The following NOSTRIN variants were observed in gnomAD, a reference collection of about 807,000 sequenced individuals.
NOSTRIN encodes nitric oxide synthase trafficking, also known as BM247 homolog.
In NOSTRIN, 63 loss-of-function variants were observed where a neutral mutation model predicts 59.0. The ratio of observed to expected loss-of-function variants is 1.07; its 90% CI spans 0.87 to 1.32. The LOEUF (loss-of-function observed/expected upper bound fraction) is 1.32, where lower values mean the gene tolerates loss of function less well. NOSTRIN is among the 40% of genes most tolerant of loss of function. NOSTRIN has a pLI of 0.00. For synonymous variants in NOSTRIN, 200 were observed against 165.4 expected (o/e 1.21, Z -1.61); for missense variants, 512 against 473.1 (o/e 1.08, Z -0.76).
chr2:168,860,533 T>C (rs2105790532), intron 13 of NOSTRIN, among the ~76,000 whole-genome samples: 1 of 152,166 alleles, frequency 6.6e-6, no homozygotes, highest in African/African-American at 2.4e-5. Flanking sequence ...TAGCCAGGCA[T>C]GGTGGTGGGC....
chr2:168,830,031 A>G (rs975830182), intron 5 of NOSTRIN, among the ~76,000 whole-genome samples: 1 of 152,234 alleles, frequency 6.6e-6, no homozygotes, highest in Non-Finnish European at 1.5e-5. Context: ...ACCAGAATGG[A>G]TGCTCTATTC....
chr2:168,820,258 G>A lies in NOSTRIN; in HGVS notation c.114-4376G>A, dbSNP rs185723968. ...CCTATGTGCCCTCAGGCTAGTGACT[G>A]ACCCAACTCTCTGTGCCTTGGTGTT... is the stretch of plus-strand genomic sequence containing the variant. On this transcript the variant is annotated intron_variant, in intron 2 of 15. Coordinates refer to ENST00000317647, the MANE Select transcript of NOSTRIN (RefSeq NM_001039724.4). Among the ~76,000 whole-genome samples, 939 of 152,290 alleles carry A rather than the reference G, an allele frequency of 6.2e-3. 13 individuals carry two copies. The highest frequency in any genetic ancestry group is 0.021 in the African/African-American group (884 of 41,568).
chr2:168,864,809 C>G (rs376851617), intron 15 of NOSTRIN, 25 bp from the exon 16 acceptor site: 1 of 1,612,864 alleles, frequency 6.2e-7, no homozygotes, highest in African/African-American at 1.3e-5. Flanking sequence ...CACAGAGACC[C>G]ATTTGTCTAA....
At chr2:168,828,267 A>G (rs1687162237) in intron 4 of NOSTRIN, 47 bp downstream of exon 4, 3 of 872,642 alleles carry the variant, frequency 3.4e-6, no homozygotes, top group Non-Finnish European at 6.0e-6. Flanking sequence ...AGGGAATCAA[A>G]TATTTAAAGT....
At position 168,859,630 on chromosome 2, in the gene NOSTRIN, G is replaced by A. The variant is rs1689320969; in HGVS notation, c.1172G>A (p.Arg391Lys). 1 of 1,613,860 alleles carries A rather than the reference G, an allele frequency of 6.2e-7. No individual in the cohort carries two copies. The highest frequency in any genetic ancestry group is 1.7e-5 in the Admixed American group (1 of 59,972). The change falls in exon 13 of 16, where the codon AGG becomes AAG. Residue 391 changes from arginine to lysine, a missense_variant. Coordinates refer to ENST00000317647, the MANE Select transcript of NOSTRIN (RefSeq NM_001039724.4). Reference protein sequence around the residue: ...HPCSNSIFRWREKEHTHSYVK... With the variant: ...HPCSNSIFRWKEKEHTHSYVK... ...TGTAGTAATTCCATCTTCAGGTGGA[G>A]GGAAAAGGTAACATTTAAGGAGACT...
At chr2:168,864,800 A>T in intron 15 of NOSTRIN, 34 bp from the exon 16 acceptor site, 1 of 1,612,562 alleles carries the variant, frequency 6.2e-7, no homozygotes, top group Non-Finnish European at 8.5e-7. Context: ...TGTTCACATC[A>T]CAGAGACCCA....
At chr2:168,862,468 G>A (rs1046796000) in intron 15 of NOSTRIN, among the ~76,000 whole-genome samples, 1 of 152,232 alleles carries the variant, frequency 6.6e-6, no homozygotes, top group Non-Finnish European at 1.5e-5. Context: ...AAAGTGATTA[G>A]AGATGTACCC....
intron 14 of NOSTRIN, 27 bp from the exon 15 acceptor site, chr2:168,861,933 T>A: frequency 6.2e-7 from 1 of 1,606,218 alleles, no homozygotes; most frequent in African/African-American, 1.3e-5. Flanking sequence ...TAACACAGCA[T>A]ACTAATTACA....
chr2:168,797,105 G>A (rs1685505029), upstream of NOSTRIN, among the ~76,000 whole-genome samples: 1 of 37,804 alleles, frequency 2.6e-5, no homozygotes, highest in African/African-American at 7.3e-5. Flanking sequence ...TTTTTTTGGA[G>A]ACAAGGTCTC....
upstream of NOSTRIN, among the ~76,000 whole-genome samples, chr2:168,797,053 CT>C (rs1425841792): frequency 7.7e-6 from 1 of 129,098 alleles, no homozygotes; most frequent in Non-Finnish European, 1.7e-5. Context: ...TCATACTTTT[CT>C]TTTCTTTCTT....
intron 2 of NOSTRIN, among the ~76,000 whole-genome samples, chr2:168,813,134 C>T (rs897078366): frequency 1.3e-5 from 2 of 152,104 alleles, no homozygotes; most frequent in African/African-American, 4.8e-5. Flanking sequence ...TGTTATCAGT[C>T]CCAAAGGAAA....
chr2:168,804,413 T>C (rs551255738), intron 1 of NOSTRIN, among the ~76,000 whole-genome samples: 54 of 152,238 alleles, frequency 3.5e-4, no homozygotes, highest in African/African-American at 1.1e-3. Flanking sequence ...CCCTCTAAAC[T>C]CACAGAACAT....
At chr2:168,854,022 C>T (rs113221727) in intron 10 of NOSTRIN, among the ~76,000 whole-genome samples, 55 of 152,264 alleles carry the variant, frequency 3.6e-4, no homozygotes, top group African/African-American at 1.3e-3. Flanking sequence ...TGCACACCAC[C>T]ACGCCCGGCT....
In NOSTRIN at chr2:168,851,644, G is replaced by A. The variant is rs930436287; in HGVS notation, c.855+240G>A. Among the ~76,000 whole-genome samples the A allele has an allele frequency of 3.3e-5, 5 of 152,014 alleles. No individual in the cohort carries two copies. In the South Asian group the frequency reaches 6.2e-4, roughly 19 times the overall value. On this transcript the variant is annotated intron_variant, in intron 10 of 15. Coordinates refer to ENST00000317647, the MANE Select transcript of NOSTRIN (RefSeq NM_001039724.4). ...GGTTTTAAACAGAATCTTCATATTCGGTCTTCTATAAAAGTAGTGCCAGGC... is the reference window on the plus strand; with the variant it reads ...GGTTTTAAACAGAATCTTCATATTCAGTCTTCTATAAAAGTAGTGCCAGGC...
intron 7 of NOSTRIN, among the ~76,000 whole-genome samples, chr2:168,836,200 C>T (rs1016950640): frequency 7.9e-5 from 12 of 152,226 alleles, no homozygotes; most frequent in Non-Finnish European, 1.6e-4. Context: ...TCCGAAGAGG[C>T]GAACCCAGTC....
At chr2:168,797,066 CTTT>C (rs1227423249), upstream of NOSTRIN, among the ~76,000 whole-genome samples, 4 of 114,116 alleles carry the variant, frequency 3.5e-5, no homozygotes, top group African/African-American at 1.3e-4. Flanking sequence ...TTCTTTCTTT[CTTT>C]TTCTTTTTTC....
At chr2:168,860,110 G>A (rs1689348916) in intron 13 of NOSTRIN, among the ~76,000 whole-genome samples, 1 of 152,114 alleles carries the variant, frequency 6.6e-6, no homozygotes, top group Non-Finnish European at 1.5e-5. Context: ...ATCTTGTGAA[G>A]GGACAGTTTT....
intron 2 of NOSTRIN, among the ~76,000 whole-genome samples, chr2:168,792,330 A>G (rs1685379519): frequency 6.6e-6 from 1 of 152,170 alleles, no homozygotes; most frequent in Admixed American, 6.5e-5. Context: ...AAAAAAATGC[A>G]TTAAATAAAA....
At chr2:168,832,247 C>T (rs576706031) in intron 6 of NOSTRIN, among the ~76,000 whole-genome samples, 44 of 152,110 alleles carry the variant, frequency 2.9e-4, no homozygotes, top group South Asian at 1.5e-3. Context: ...GGAGGAATTA[C>T]GATCTGGCGT....
Sources: gnomAD v4.1 joint callset for allele counts (sites outside exome capture counted in the v4.1 genomes callset) on GRCh38, gnomAD v4.1.1 for gene constraint, MANE v1.5 for transcripts, NCBI Gene and HGNC (gene_info 2026-07-23, HGNC 2026-07-21) for gene names.